KDM4C: variants seen among roughly 807,000 people sequenced by gnomAD.
KDM4C encodes lysine-specific demethylase 4C.
A neutral mutation model predicts 129.3 loss-of-function variants in KDM4C; 81 were observed. That is an observed-to-expected ratio of 0.63 (90% CI 0.52 to 0.75). The LOEUF is 0.75. KDM4C is among the 30% of genes least tolerant of loss of function. KDM4C has a pLI of 0.00. For synonymous variants in KDM4C, 573 were observed against 456.1 expected, an observed-to-expected ratio of 1.26 and a Z score of -3.26; for missense variants, 1,457 against 1,304.0, an observed-to-expected ratio of 1.12 and a Z score of -1.81.
intron 19 of KDM4C, among the ~76,000 whole-genome samples, chr9:7,138,068 C>T (rs1459507427): frequency 6.6e-6 from 1 of 152,244 alleles, no homozygotes; most frequent in East Asian, 1.9e-4. Flanking sequence ...TTGCCTTTTG[C>T]ATTATTAAAT....
At chr9:7,088,178 G>A (rs1446799947) in intron 17 of KDM4C, among the ~76,000 whole-genome samples, 2 of 152,140 alleles carry the variant, frequency 1.3e-5, no homozygotes, top group Admixed American at 6.5e-5. Context: ...CTTCCTCCAG[G>A]CCTGGAGGCC....
chr9:6,790,196 G>A (rs776998126), intron 1 of KDM4C, among the ~76,000 whole-genome samples: 10 of 150,994 alleles, frequency 6.6e-5, no homozygotes, highest in Admixed American at 2.6e-4. Flanking sequence ...GAGCCACCGC[G>A]CCTGGCCAAA....
chr9:6,937,414 C>T (rs1235739765), intron 8 of KDM4C, among the ~76,000 whole-genome samples: 1 of 152,134 alleles, frequency 6.6e-6, no homozygotes, highest in African/African-American at 2.4e-5. Context: ...GTTTCTCTTG[C>T]AGAGTTACTT....
chr9:7,128,369 T>A, intron 19 of KDM4C, 133 bp downstream of exon 19: 1 of 583,576 alleles, frequency 1.7e-6, no homozygotes, highest in Non-Finnish European at 2.7e-6. Flanking sequence ...TTTATCATTC[T>A]AAATAATATC....
chr9:7,155,530 C>G (rs769942747), intron 19 of KDM4C, among the ~76,000 whole-genome samples: 52 of 152,188 alleles, frequency 3.4e-4, no homozygotes, highest in Middle Eastern at 3.4e-3. Context: ...TCAACAGGCC[C>G]CGGTGTGTGA....
At chr9:7,052,863 C>CAGAGAGAGAGAG (rs370475585) in intron 17 of KDM4C, among the ~76,000 whole-genome samples, 1,697 of 40,812 alleles carry the variant, frequency 0.042, 96 homozygotes, top group East Asian at 0.16. Flanking sequence ...GCCACACCTG[C>CAGAGAGAGAGAG]AGAGAGAGAG....
intron 8 of KDM4C, among the ~76,000 whole-genome samples, chr9:6,930,297 A>G (rs7022938): frequency 0.23 from 34,280 of 152,098 alleles, 4,656 homozygotes; most frequent in Middle Eastern, 0.4. Flanking sequence ...TTCTGACACT[A>G]TTTCACTGAC....
At chr9:7,067,010 A>G (rs1053481808) in intron 17 of KDM4C, among the ~76,000 whole-genome samples, 1 of 152,238 alleles carries the variant, frequency 6.6e-6, no homozygotes, top group African/African-American at 2.4e-5. Context: ...TGGAAACAAC[A>G]AGGAAATTTA....
At chr9:6,725,303 G>T (rs923492292) in intron 1 of KDM4C, among the ~76,000 whole-genome samples, 1 of 145,592 alleles carries the variant, frequency 6.9e-6, no homozygotes, top group African/African-American at 2.6e-5. Flanking sequence ...AACACATTGG[G>T]CTCTTGCTGG....
chr9:7,018,880 T>G (rs1007316606), intron 15 of KDM4C, among the ~76,000 whole-genome samples: 2 of 152,258 alleles, frequency 1.3e-5, no homozygotes, highest in Non-Finnish European at 2.9e-5. Flanking sequence ...ACAATCTTGC[T>G]ATTTGTATTT....
At chr9:7,024,517 T>C (rs1825467287) in intron 15 of KDM4C, among the ~76,000 whole-genome samples, 1 of 151,020 alleles carries the variant, frequency 6.6e-6, no homozygotes, top group African/African-American at 2.4e-5. Flanking sequence ...TGGAGTGTGA[T>C]GTTCCCCTTC....
At chr9:6,759,439 C>T (rs1818944716) in intron 1 of KDM4C, among the ~76,000 whole-genome samples, 1 of 152,136 alleles carries the variant, frequency 6.6e-6, no homozygotes, top group Non-Finnish European at 1.5e-5. Context: ...TTATCGCTTG[C>T]TTTCTTACCT....
At chr9:7,015,274 T>C (rs1373064752) in intron 14 of KDM4C, among the ~76,000 whole-genome samples, 1 of 152,170 alleles carries the variant, frequency 6.6e-6, no homozygotes, top group African/African-American at 2.4e-5. Flanking sequence ...AATTCTCTTA[T>C]CTCAAGAAGT....
At chr9:7,030,510 G>A (rs1297672111) in intron 15 of KDM4C, among the ~76,000 whole-genome samples, 1 of 152,136 alleles carries the variant, frequency 6.6e-6, no homozygotes, top group South Asian at 2.1e-4. Context: ...TAACAAATGT[G>A]CTGCTCTGGT....
At chr9:6,743,825 T>C (rs900468185) in intron 1 of KDM4C, among the ~76,000 whole-genome samples, 6 of 152,010 alleles carry the variant, frequency 3.9e-5, no homozygotes, top group African/African-American at 7.2e-5. Flanking sequence ...CTGCTTTCTA[T>C]ATGGAATCTG....
chr9:7,144,270 G>A (rs1443255261), intron 19 of KDM4C, among the ~76,000 whole-genome samples: 1 of 151,978 alleles, frequency 6.6e-6, no homozygotes, highest in Non-Finnish European at 1.5e-5. Flanking sequence ...ACCATGCCCG[G>A]CCACTCCTCA....
chr9:6,986,769 ATAAC>A, intron 11 of KDM4C, 103 bp downstream of exon 11: 1 of 799,602 alleles, frequency 1.3e-6, no homozygotes, highest in Non-Finnish European at 2.0e-6. Context: ...GCACAGATAA[ATAAC>A]ATTTTACATT....
At chr9:6,762,474 C>G (rs1420613773) in intron 1 of KDM4C, among the ~76,000 whole-genome samples, 1 of 151,914 alleles carries the variant, frequency 6.6e-6, no homozygotes, top group Non-Finnish European at 1.5e-5. Context: ...GCTTGGCCTG[C>G]AAGCTCTATT....
chr9:7,031,633 A>G (rs2132367497), intron 15 of KDM4C, among the ~76,000 whole-genome samples: 1 of 152,266 alleles, frequency 6.6e-6, no homozygotes, highest in South Asian at 2.1e-4. Context: ...ACACAGATAC[A>G]TATATATGTA....
Sources: gnomAD v4.1 joint callset for allele counts (sites outside exome capture counted in the v4.1 genomes callset) on GRCh38, gnomAD v4.1.1 for gene constraint, MANE v1.5 for transcripts, NCBI Gene and HGNC (gene_info 2026-07-23, HGNC 2026-07-21) for gene names.